The following DLG2 variants were observed in gnomAD, a reference collection of about 807,000 sequenced individuals.
The protein encoded by DLG2 is disks large homolog 2.
A neutral mutation model predicts 132.5 loss-of-function variants in DLG2; 45 were observed. That is an observed-to-expected ratio of 0.34 (90% CI 0.27 to 0.44). DLG2 has a LOEUF of 0.44. DLG2 is among the 20% of genes least tolerant of loss of function. DLG2 has a pLI of 1.00. For missense variants in DLG2, 1,045 were observed against 1,196.9 expected (o/e 0.87, Z 1.87); for synonymous variants, 424 against 419.6 (o/e 1.01, Z -0.13).
chr11:84,994,481 C>G (rs902323324), intron 6 of DLG2, among the ~76,000 whole-genome samples: 1 of 152,190 alleles, frequency 6.6e-6, no homozygotes, highest in Non-Finnish European at 1.5e-5. Flanking sequence ...GTGCTGATGA[C>G]TTACACTGTT....
intron 3 of DLG2, among the ~76,000 whole-genome samples, chr11:85,346,344 C>T (rs566616631): frequency 1.3e-5 from 2 of 151,866 alleles, no homozygotes; most frequent in Non-Finnish European, 2.9e-5. Flanking sequence ...TCTGCCACCA[C>T]GCCCAGCTAA....
intron 6 of DLG2, among the ~76,000 whole-genome samples, chr11:85,068,979 G>A (rs1464616413): frequency 6.6e-6 from 1 of 152,062 alleles, no homozygotes; most frequent in Non-Finnish European, 1.5e-5. Context: ...ACAGAACAGA[G>A]CCCTCAGAAA....
intron 7 of DLG2, among the ~76,000 whole-genome samples, chr11:84,313,669 GAA>G (rs1567261137): frequency 6.6e-6 from 1 of 150,994 alleles, no homozygotes; most frequent in South Asian, 2.1e-4. Flanking sequence ...AAGAAAGAAA[GAA>G]AGAAAGAAAG....
In DLG2 at chr11:84,400,004, A is replaced by G. The variant is rs763434597; in HGVS notation, c.519+134566T>C. 2.6e-5 allele frequency among the ~76,000 whole-genome samples: 4 copies of G among 152,202 alleles called. No individual in the cohort carries two copies. The South Asian group carries it at 6.2e-4, about 24-fold the overall frequency. On this transcript the variant is annotated intron_variant, in intron 7 of 27. Coordinates refer to ENST00000376104, the MANE Select transcript of DLG2 (RefSeq NM_001142699.3). The stretch of plus-strand genomic sequence containing the variant: ...AGTCTGATTTCTTCAACTATGGTAG[A>G]TCCTCAACAGCTCAGTTAATACATG...
chr11:83,805,091 G>T (rs1378710857), intron 17 of DLG2, among the ~76,000 whole-genome samples: 1 of 152,062 alleles, frequency 6.6e-6, no homozygotes, highest in Non-Finnish European at 1.5e-5. Flanking sequence ...GTCATAGCAG[G>T]AAGCTCAAAA....
At chr11:84,831,286 C>T (rs1347525421) in intron 6 of DLG2, among the ~76,000 whole-genome samples, 3 of 151,480 alleles carry the variant, frequency 2.0e-5, no homozygotes, top group Non-Finnish European at 3.0e-5. Context: ...TTCTATTTTA[C>T]GTTGTTTCTA....
chr11:85,522,283 A>G (rs936236160), intron 3 of DLG2, among the ~76,000 whole-genome samples: 3 of 152,198 alleles, frequency 2.0e-5, no homozygotes, highest in Non-Finnish European at 4.4e-5. Flanking sequence ...TGCACAGAAG[A>G]CAAGAACTGA....
At chr11:84,113,888 G>T (rs908974626) in intron 9 of DLG2, among the ~76,000 whole-genome samples, 1 of 151,940 alleles carries the variant, frequency 6.6e-6, no homozygotes, top group African/African-American at 2.4e-5. Flanking sequence ...TTTTAATGTG[G>T]TATCAAAGAA....
chr11:83,940,406 C>A (rs2082377476), intron 14 of DLG2, among the ~76,000 whole-genome samples: 1 of 152,152 alleles, frequency 6.6e-6, no homozygotes, highest in Non-Finnish European at 1.5e-5. Flanking sequence ...TACTATGAAG[C>A]TGGCCCTGTG....
chr11:85,117,377 T>C (rs2152343467), intron 5 of DLG2, among the ~76,000 whole-genome samples: 1 of 152,174 alleles, frequency 6.6e-6, no homozygotes, highest in East Asian at 1.9e-4. Context: ...GCATTAGTTA[T>C]GAAGATTTTA....
At chr11:84,133,135 C>G (rs1211550402) in intron 9 of DLG2, among the ~76,000 whole-genome samples, 1 of 152,008 alleles carries the variant, frequency 6.6e-6, no homozygotes, top group Non-Finnish European at 1.5e-5. Context: ...CAGACAGGAA[C>G]TTTGAAGGAA....
At position 85,383,258 on chromosome 11, in the gene DLG2, A is replaced by G. The variant is rs115409811; in HGVS notation, c.41-97893T>C. On this transcript the variant is annotated intron_variant, in intron 3 of 27. Coordinates refer to ENST00000376104, the MANE Select transcript of DLG2 (RefSeq NM_001142699.3). ...ATGTTGTATGATTTCATTTATCCAA[A>G]ATCCAGAAAAGGCACATGTACAGAA... is the stretch of plus-strand genomic sequence containing the variant. Among the ~76,000 whole-genome samples the G allele has an allele frequency of 2.1e-3, 320 of 152,256 alleles. 3 individuals are homozygous for G. Among genetic ancestry groups the G allele is most frequent in the African/African-American group, 7.4e-3 (308 of 41,568 alleles).
intron 7 of DLG2, among the ~76,000 whole-genome samples, chr11:84,300,983 CTTGTG>C (rs533470145): frequency 2.4e-4 from 37 of 152,194 alleles, no homozygotes; most frequent in African/African-American, 8.4e-4. Flanking sequence ...AGTGTTTTGT[CTTGTG>C]TTAACTGTTT....
chr11:84,489,377 A>C (rs926994317), intron 7 of DLG2, among the ~76,000 whole-genome samples: 1 of 152,090 alleles, frequency 6.6e-6, no homozygotes, highest in African/African-American at 2.4e-5. Flanking sequence ...TTCCTAAACC[A>C]TCTACTATTC....
At chr11:85,560,780 C>A (rs2077192552) in intron 3 of DLG2, among the ~76,000 whole-genome samples, 1 of 151,694 alleles carries the variant, frequency 6.6e-6, no homozygotes, top group Non-Finnish European at 1.5e-5. Flanking sequence ...GCCTGTAATC[C>A]CAGCACTTTG....
At chr11:84,173,969 T>C (rs2095879733) in intron 8 of DLG2, among the ~76,000 whole-genome samples, 1 of 151,628 alleles carries the variant, frequency 6.6e-6, no homozygotes, top group South Asian at 2.1e-4. Flanking sequence ...GCTCTGTCCT[T>C]TGTTGCTTTT....
intron 7 of DLG2, among the ~76,000 whole-genome samples, chr11:84,270,058 A>C (rs1408679418): frequency 6.6e-6 from 1 of 152,208 alleles, no homozygotes; most frequent in East Asian, 1.9e-4. Context: ...GTCTCTATGA[A>C]AAGAACTACT....
chr11:85,451,851 T>C (rs2092258716), intron 3 of DLG2, among the ~76,000 whole-genome samples: 2 of 152,120 alleles, frequency 1.3e-5, no homozygotes, highest in Non-Finnish European at 2.9e-5. Flanking sequence ...CCCTGCCCAA[T>C]TTTTAATTTT....
chr11:84,820,593 T>C (rs2077561134), intron 6 of DLG2, among the ~76,000 whole-genome samples: 2 of 151,924 alleles, frequency 1.3e-5, no homozygotes, highest in Admixed American at 1.3e-4. Context: ...AGCCATATAG[T>C]CTTCCTTGAC....
Sources: gnomAD v4.1 joint callset for allele counts (sites outside exome capture counted in the v4.1 genomes callset) on GRCh38, gnomAD v4.1.1 for gene constraint, MANE v1.5 for transcripts, NCBI Gene and HGNC (gene_info 2026-07-23, HGNC 2026-07-21) for gene names.